Variants in DCC observed in about 807,000 individuals in gnomAD.
DCC encodes the protein netrin receptor DCC.
DCC carries 58 observed loss-of-function variants against 172.5 expected under a neutral mutation model. The observed-to-expected ratio is 0.34, with a 90% CI of 0.27 to 0.42. The LOEUF is 0.42. Among genes scored for constraint, DCC ranks in the 10% least tolerant of loss-of-function variants. DCC has a pLI of 1.00. For synonymous variants in DCC, 709 were observed against 644.5 expected (o/e 1.10, Z -1.52); for missense variants, 1,740 against 1,791.0 (o/e 0.97, Z 0.51).
At position 52,980,209 on chromosome 18, in the gene DCC, G is replaced by A. The variant is rs118030056; in HGVS notation, c.985+54839G>A. On this transcript the variant is annotated intron_variant, in intron 5 of 28. Coordinates refer to ENST00000442544, the MANE Select transcript of DCC (RefSeq NM_005215.4). ...TTACTCACCCAGCTGCTTCCTCTGGGAAGTCGTCATGCGGCTCCAGCTGCC... is the reference window on the plus strand; with the variant it reads ...TTACTCACCCAGCTGCTTCCTCTGGAAAGTCGTCATGCGGCTCCAGCTGCC... Among the ~76,000 whole-genome samples the A allele has an allele frequency of 6.6e-4, 101 of 152,286 alleles. 1 individual carries two copies. In the East Asian group the frequency reaches 0.018, roughly 27 times the overall value.
At chr18:52,890,511 G>A (rs2039632695) in intron 2 of DCC, among the ~76,000 whole-genome samples, 1 of 152,048 alleles carries the variant, frequency 6.6e-6, no homozygotes, top group African/African-American at 2.4e-5. Context: ...AAATATTGAT[G>A]TGTTATGATA....
chr18:53,100,400 C>G (rs1164593139), intron 7 of DCC, among the ~76,000 whole-genome samples: 2 of 152,004 alleles, frequency 1.3e-5, no homozygotes, highest in African/African-American at 4.8e-5. Flanking sequence ...TTTTTAGCAA[C>G]CTCTTAGTTT....
At chr18:53,051,455 A>G (rs759358550) in intron 5 of DCC, among the ~76,000 whole-genome samples, 2 of 151,970 alleles carry the variant, frequency 1.3e-5, no homozygotes, top group African/African-American at 2.4e-5. Context: ...TTTTATTTCT[A>G]TATATAACCA....
intron 9 of DCC, among the ~76,000 whole-genome samples, chr18:53,191,793 G>A (rs898174033): frequency 6.6e-6 from 1 of 152,124 alleles, no homozygotes; most frequent in Non-Finnish European, 1.5e-5. Flanking sequence ...TCTTGAGCAT[G>A]AGTCAGTCAT....
At chr18:52,961,947 A>G (rs1246490282) in intron 5 of DCC, among the ~76,000 whole-genome samples, 2 of 152,246 alleles carry the variant, frequency 1.3e-5, no homozygotes, top group Non-Finnish European at 2.9e-5. Context: ...CAGCTTATAC[A>G]AACATTAATT....
At chr18:52,790,859 T>TA (rs2037751122) in intron 2 of DCC, among the ~76,000 whole-genome samples, 1 of 152,196 alleles carries the variant, frequency 6.6e-6, no homozygotes, top group African/African-American at 2.4e-5. Flanking sequence ...GTCAAATATC[T>TA]GAGTTAAATT....
intron 1 of DCC, among the ~76,000 whole-genome samples, chr18:52,634,779 T>C (rs2144886910): frequency 6.6e-6 from 1 of 152,282 alleles, no homozygotes; most frequent in African/African-American, 2.4e-5. Flanking sequence ...CTCACTCTTT[T>C]TCCCCCTTCT....
At chr18:53,288,558 A>G (rs1330900844) in intron 12 of DCC, among the ~76,000 whole-genome samples, 3 of 152,106 alleles carry the variant, frequency 2.0e-5, no homozygotes. Context: ...CTTGTAATCT[A>G]ATGGCTTTTG....
intron 1 of DCC, among the ~76,000 whole-genome samples, chr18:52,545,806 G>A (rs2032595552): frequency 2.0e-5 from 3 of 152,110 alleles, no homozygotes; most frequent in Non-Finnish European, 4.4e-5. Flanking sequence ...CCTTCTATAA[G>A]GGAGTGTTGA....
intron 1 of DCC, among the ~76,000 whole-genome samples, chr18:52,473,003 A>G (rs1011497054): frequency 2.6e-5 from 4 of 152,232 alleles, no homozygotes; most frequent in Admixed American, 6.5e-5. Flanking sequence ...CAGAGCTAAT[A>G]TTTCTGAAAA....
chr18:52,686,699 C>A (rs2035841486), intron 1 of DCC, among the ~76,000 whole-genome samples: 1 of 152,100 alleles, frequency 6.6e-6, no homozygotes. Flanking sequence ...GAGCATGATC[C>A]ATGAGCTCCT....
intron 1 of DCC, among the ~76,000 whole-genome samples, chr18:52,649,099 C>T (rs889498044): frequency 4.6e-5 from 7 of 152,154 alleles, no homozygotes; most frequent in African/African-American, 1.4e-4. Context: ...TATGGCCGGG[C>T]GCGGTGGCTC....
intron 1 of DCC, among the ~76,000 whole-genome samples, chr18:52,371,588 T>G (rs1985124679): frequency 1.3e-5 from 2 of 152,216 alleles, no homozygotes; most frequent in Non-Finnish European, 2.9e-5. Flanking sequence ...TTGAAGTTAC[T>G]TAGCAGCCCC....
chr18:52,843,372 T>A (rs895114599), intron 2 of DCC, among the ~76,000 whole-genome samples: 2 of 152,154 alleles, frequency 1.3e-5, no homozygotes, highest in African/African-American at 4.8e-5. Flanking sequence ...TATATTTGGA[T>A]GCTAGAGAAG....
intron 22 of DCC, among the ~76,000 whole-genome samples, chr18:53,449,796 G>A (rs577208090): frequency 3.3e-4 from 50 of 152,002 alleles, no homozygotes; most frequent in South Asian, 6.2e-4. Context: ...ACAATTCAGC[G>A]GTGTTCAGTG....
intron 1 of DCC, among the ~76,000 whole-genome samples, chr18:52,706,381 T>C (rs1049300780): frequency 3.3e-5 from 5 of 152,220 alleles, no homozygotes; most frequent in Non-Finnish European, 5.9e-5. Flanking sequence ...GTATTTATTA[T>C]GAAAACCTAG....
At chr18:52,986,317 T>A (rs554518051) in intron 5 of DCC, among the ~76,000 whole-genome samples, 1 of 152,310 alleles carries the variant, frequency 6.6e-6, no homozygotes, top group South Asian at 2.1e-4. Flanking sequence ...ATCTTATTGG[T>A]AATGATGCTT....
intron 2 of DCC, among the ~76,000 whole-genome samples, chr18:52,772,708 T>C (rs892502849): frequency 6.6e-6 from 1 of 152,188 alleles, no homozygotes; most frequent in African/African-American, 2.4e-5. Context: ...TTTTGTTTTT[T>C]ATTATATTGG....
rs536364307 is a variant in DCC at position 52,841,294 on chromosome 18, A to C, written c.413-64750A>C. ...ATAACTTGTTTTCTGCTTAAAAAAAAAACAACACTCTGACTAATGCATGTA... is the reference window on the plus strand; with the variant it reads ...ATAACTTGTTTTCTGCTTAAAAAAACAACAACACTCTGACTAATGCATGTA... On this transcript the variant is annotated intron_variant, in intron 2 of 28. Transcript: ENST00000442544. Among the ~76,000 whole-genome samples the C allele has an allele frequency of 2.0e-5, 3 of 151,934 alleles. No homozygotes were observed. In the East Asian group the frequency reaches 5.8e-4, roughly 29 times the overall value.
Sources: allele counts gnomAD v4.1 joint callset (sites outside exome capture counted in the v4.1 genomes callset), GRCh38; gene constraint gnomAD v4.1.1; transcripts MANE v1.5; gene names NCBI Gene and HGNC (gene_info 2026-07-23, HGNC 2026-07-21).